Variants in SMYD3 observed in about 807,000 individuals in gnomAD.
SMYD3 encodes histone-lysine N-methyltransferase SMYD3.
A neutral mutation model predicts 57.7 loss-of-function variants in SMYD3; 36 were observed. The ratio of observed to expected loss-of-function variants is 0.62; its 90% CI spans 0.48 to 0.82. The LOEUF is 0.82. Ranked by LOEUF, SMYD3 falls within the 40% of genes least tolerant of loss-of-function variation. SMYD3 has a pLI of 0.00. For synonymous variants in SMYD3, 211 were observed against 195.0 expected (o/e 1.08, Z -0.68); for missense variants, 515 against 538.8 (o/e 0.96, Z 0.44).
At chr1:246,396,210 T>G (rs1202042754) in intron 1 of SMYD3, among the ~76,000 whole-genome samples, 3 of 152,186 alleles carry the variant, frequency 2.0e-5, no homozygotes, top group Non-Finnish European at 2.9e-5. Context: ...AGAAATAAAT[T>G]AGCTTTTGCA....
chr1:245,865,125 CTTTACTGATA>C (rs2051761809), intron 8 of SMYD3, among the ~76,000 whole-genome samples: 1 of 152,146 alleles, frequency 6.6e-6, no homozygotes, highest in Non-Finnish European at 1.5e-5. Flanking sequence ...ATGCTGAAGG[CTTTACTGATA>C]TTTACTGATA....
chr1:246,219,817 T>G (rs1292880704), intron 5 of SMYD3, among the ~76,000 whole-genome samples: 5 of 152,116 alleles, frequency 3.3e-5, no homozygotes, highest in African/African-American at 1.2e-4. Flanking sequence ...GCTCCTGCAC[T>G]CACACACCTG....
intron 5 of SMYD3, among the ~76,000 whole-genome samples, chr1:246,138,657 C>T (rs1428694680): frequency 2.1e-5 from 3 of 143,748 alleles, no homozygotes; most frequent in Non-Finnish European, 4.7e-5. Context: ...GATCTCCTGA[C>T]CTCGTGATCC....
chr1:246,288,545 C>G (rs1189222159), intron 5 of SMYD3, among the ~76,000 whole-genome samples: 1 of 152,068 alleles, frequency 6.6e-6, no homozygotes, highest in African/African-American at 2.4e-5. Flanking sequence ...AAAGCTAAGG[C>G]TAGTCCAGGC....
chr1:245,806,799 A>G (rs1174872833), intron 10 of SMYD3, among the ~76,000 whole-genome samples: 3 of 150,338 alleles, frequency 2.0e-5, no homozygotes, highest in African/African-American at 7.4e-5. Flanking sequence ...AGTCCCAGCT[A>G]CTCGGGAGGC....
At chr1:246,494,295 C>T (rs896902294) in intron 1 of SMYD3, among the ~76,000 whole-genome samples, 1 of 152,218 alleles carries the variant, frequency 6.6e-6, no homozygotes, top group Non-Finnish European at 1.5e-5. Context: ...AATGTATGCA[C>T]ATTTCCCAAT....
rs1322065971 is a variant in SMYD3, at chr1:246,202,019, A to C, written c.531+125182T>G. 1.3e-5 allele frequency among the ~76,000 whole-genome samples: 2 copies of C among 152,000 alleles called. No homozygotes were observed. Among genetic ancestry groups the C allele is most frequent in the Non-Finnish European group, 2.9e-5 (2 of 68,016 alleles). On this transcript the variant is annotated intron_variant, in intron 5 of 11. Coordinates refer to ENST00000490107, the MANE Select transcript of SMYD3 (RefSeq NM_001167740.2). This position sits in a 1 kb window ranked among gnomAD's most constrained non-coding sequence, Gnocchi z 4.1. ...CAGAGACTCTGTCTCAATTTAAAAA[A>C]AAAAAACAAAAAAAAGCCATTTTTA...
intron 11 of SMYD3, among the ~76,000 whole-genome samples, chr1:245,756,050 G>A (rs2045590014): frequency 6.7e-6 from 1 of 148,958 alleles, no homozygotes; most frequent in Admixed American, 6.7e-5. Flanking sequence ...GCTTTTGAGT[G>A]TATTACTTTA....
intron 5 of SMYD3, among the ~76,000 whole-genome samples, chr1:245,948,244 GCAACTGGAAACAGCAGGACGGAATCA>G (rs1361055820): frequency 3.3e-5 from 5 of 152,062 alleles, no homozygotes; most frequent in African/African-American, 2.4e-5. Flanking sequence ...GGACGGAATC[GCAACTGGAAACAGCAGGACGGAATCA>G]CAACTGGAAC....
chr1:246,426,499 C>A (rs1036677394), intron 1 of SMYD3, among the ~76,000 whole-genome samples: 1 of 152,150 alleles, frequency 6.6e-6, no homozygotes, highest in South Asian at 2.1e-4. Context: ...TTTTACATAA[C>A]GAATCATATG....
rs570191945 is a variant in SMYD3, at chr1:245,840,970, G to T, written c.1076+17526C>A. On this transcript the variant is annotated intron_variant, in intron 10 of 11. Transcript: ENST00000490107. ...TAGCTGCGCACTTCCAAACTATACT[G>T]CATGAAAGCATTTCACAGACCGTGA... 2.8e-3 allele frequency among the ~76,000 whole-genome samples: 428 copies of T among 152,284 alleles called. 2 individuals carry two copies. Among genetic ancestry groups the T allele is most frequent in the Middle Eastern group, 6.8e-3 (2 of 294 alleles).
In SMYD3 at chr1:246,204,577, T is replaced by C. The variant is rs556321910; in HGVS notation, c.531+122624A>G. 5.9e-5 allele frequency among the ~76,000 whole-genome samples: 9 copies of C among 152,262 alleles called. No individual in the cohort carries two copies. The South Asian group carries it at 1.9e-3, about 32-fold the overall frequency. On this transcript the variant is annotated intron_variant, in intron 5 of 11. Transcript: ENST00000490107. Reference sequence around the variant, plus strand: ...CTTTGTCAAAGCTCACCACTTAATTTACCTATTTGCTTCACTGGTTTAGCA... The same window carrying C: ...CTTTGTCAAAGCTCACCACTTAATTCACCTATTTGCTTCACTGGTTTAGCA...
At chr1:245,793,056 A>G (rs191092759) in intron 10 of SMYD3, among the ~76,000 whole-genome samples, 91 of 134,482 alleles carry the variant, frequency 6.8e-4, no homozygotes, top group African/African-American at 2.5e-3. Flanking sequence ...CATGCCTGTA[A>G]TCCCAGCACT....
chr1:246,049,285 GTTTT>G (rs1258144805), intron 5 of SMYD3, among the ~76,000 whole-genome samples: 3 of 151,592 alleles, frequency 2.0e-5, no homozygotes, highest in African/African-American at 7.3e-5. Flanking sequence ...TATACTATGT[GTTTT>G]TTTTGTTTGT....
chr1:246,488,458 G>C (rs6675848), intron 1 of SMYD3, among the ~76,000 whole-genome samples: 5 of 152,238 alleles, frequency 3.3e-5, no homozygotes, highest in Non-Finnish European at 7.3e-5. Flanking sequence ...AGGCCGAGGC[G>C]GGCAGATCAC....
At chr1:246,004,737 G>T (rs4654076) in intron 5 of SMYD3, among the ~76,000 whole-genome samples, 1 of 152,110 alleles carries the variant, frequency 6.6e-6, no homozygotes, top group Non-Finnish European at 1.5e-5. Context: ...GCCAGACAGA[G>T]GGTGGTCTGG....
chr1:246,194,020 C>T (rs560591691), intron 5 of SMYD3, among the ~76,000 whole-genome samples: 260 of 152,200 alleles, frequency 1.7e-3, no homozygotes, highest in African/African-American at 6.1e-3. Context: ...TTGGGGGTGG[C>T]GCACAATTAA....
rs549720497 is a variant in SMYD3 at position 245,986,029 on chromosome 1, G to C, written c.532-56092C>G. 1.6e-3 allele frequency among the ~76,000 whole-genome samples: 241 copies of C among 152,242 alleles called. 2 individuals are homozygous for C. The highest frequency in any genetic ancestry group is 5.4e-3 in the African/African-American group (224 of 41,532). On this transcript the variant is annotated intron_variant, in intron 5 of 11. Transcript: ENST00000490107. ...AAGTACTTTTATACAACATACATCA[G>C]TGATTCTGAACAAGGAAACACACTC...
At chr1:245,956,146 G>C (rs971263285) in intron 5 of SMYD3, 70 of 795,598 alleles carry the variant, frequency 8.8e-5, no homozygotes, top group Non-Finnish European at 1.1e-4. Context: ...TCAAACTCCT[G>C]GGATCAAGCA....
Sources: gnomAD v4.1 joint callset for allele counts (sites outside exome capture counted in the v4.1 genomes callset) on GRCh38, gnomAD v4.1.1 for gene constraint, Gnocchi (gnomAD v3.1) non-coding constraint, MANE v1.5 for transcripts, NCBI Gene and HGNC (gene_info 2026-07-23, HGNC 2026-07-21) for gene names.